Variants in SLC25A21 observed in about 807,000 individuals in gnomAD.
The protein encoded by SLC25A21 is mitochondrial 2-oxodicarboxylate carrier.
Under a neutral mutation model 43.8 loss-of-function variants are expected in SLC25A21, and 47 were observed. That is an observed-to-expected ratio of 1.07 (90% CI 0.85 to 1.37). SLC25A21 has a LOEUF of 1.37. SLC25A21 is among the 40% of genes most tolerant of loss of function. SLC25A21 has a pLI of 0.00. For missense variants in SLC25A21, 352 were observed against 350.2 expected (o/e 1.00, Z -0.04); for synonymous variants, 131 against 121.3 (o/e 1.08, Z -0.52).
At chr14:36,954,031 T>G (rs913599097) in intron 1 of SLC25A21, among the ~76,000 whole-genome samples, 94 of 152,174 alleles carry the variant, frequency 6.2e-4, no homozygotes, top group Non-Finnish European at 2.9e-4. Context: ...GAGTCAAAGG[T>G]GAATACAACA....
intron 1 of SLC25A21, among the ~76,000 whole-genome samples, chr14:37,155,075 C>T (rs79950649): frequency 7.2e-6 from 1 of 139,594 alleles, no homozygotes; most frequent in Admixed American, 7.2e-5. Context: ...AAAGACAGCT[C>T]TTTTTTTTTT....
intron 1 of SLC25A21, among the ~76,000 whole-genome samples, chr14:37,080,803 T>C (rs1162919664): frequency 6.6e-6 from 1 of 152,314 alleles, no homozygotes; most frequent in East Asian, 1.9e-4. Flanking sequence ...AGATTCAGCA[T>C]GCTCCATAAT....
rs73266673 is a variant in SLC25A21, at chr14:36,803,171, T to A, written c.203+10747A>T. On this transcript the variant is annotated intron_variant, in intron 3 of 9. Transcript: ENST00000331299. ...AGATTCTGTGGAAAAAGATAGAAGGTCTGTGGCAGGCTCTGGGAGAACAGT... is the reference window on the plus strand; with the variant it reads ...AGATTCTGTGGAAAAAGATAGAAGGACTGTGGCAGGCTCTGGGAGAACAGT... Among the ~76,000 whole-genome samples, 1,093 of 152,268 alleles carry A rather than the reference T, an allele frequency of 7.2e-3. 13 individuals carry two copies. The highest frequency in any genetic ancestry group is 0.025 in the African/African-American group (1,044 of 41,550).
chr14:36,802,004 C>G (rs1266103333), intron 3 of SLC25A21, among the ~76,000 whole-genome samples: 2 of 152,146 alleles, frequency 1.3e-5, no homozygotes, highest in Non-Finnish European at 2.9e-5. Flanking sequence ...CTAAAAACTA[C>G]ATGCCAAAAT....
intron 1 of SLC25A21, among the ~76,000 whole-genome samples, chr14:37,010,350 C>T (rs1305807049): frequency 6.6e-6 from 1 of 152,216 alleles, no homozygotes; most frequent in Non-Finnish European, 1.5e-5. Flanking sequence ...TTAGGATTCT[C>T]CTACCTCCTA....
chr14:36,761,642 G>C (rs909119457), intron 3 of SLC25A21, among the ~76,000 whole-genome samples: 1 of 152,178 alleles, frequency 6.6e-6, no homozygotes, highest in Non-Finnish European at 1.5e-5. Flanking sequence ...CTGGTCTCTT[G>C]ATCTTAGGAT....
intron 3 of SLC25A21, among the ~76,000 whole-genome samples, chr14:36,759,021 T>C (rs2139274392): frequency 6.6e-6 from 1 of 152,312 alleles, no homozygotes; most frequent in African/African-American, 2.4e-5. Flanking sequence ...TCAGCTCATG[T>C]TCATTCTGAG....
At position 37,172,302 on chromosome 14, in the gene SLC25A21, T is replaced by C. The variant is rs1205748386; in HGVS notation, c.49A>G (p.Ile17Val). The change falls in exon 1 of 10, where the codon ATC (isoleucine) becomes GTC (valine). Residue 17 changes from isoleucine to valine, a missense_variant. Ile to Val is a conservative substitution (Grantham distance 29). Coordinates refer to ENST00000331299, the MANE Select transcript of SLC25A21 (RefSeq NM_030631.4). ...VSLVREASRQ[I>V]VAGGSAGLVE... ...TTACCTGCAGAACCACCGGCCACGATCTGCCGAGAAGCCTCGCGCACTAAG... is the reference window on the plus strand; with the variant it reads ...TTACCTGCAGAACCACCGGCCACGACCTGCCGAGAAGCCTCGCGCACTAAG... 1 of 1,601,022 alleles carries C rather than the reference T, an allele frequency of 6.2e-7. No homozygotes were observed.
chr14:36,799,696 T>C (rs1887800504), intron 3 of SLC25A21, among the ~76,000 whole-genome samples: 1 of 152,160 alleles, frequency 6.6e-6, no homozygotes, highest in Admixed American at 6.6e-5. Context: ...TTAAAATTCC[T>C]ACAACCTATG....
chr14:36,802,153 G>T (rs923695873), intron 3 of SLC25A21, among the ~76,000 whole-genome samples: 9 of 152,106 alleles, frequency 5.9e-5, no homozygotes, highest in Admixed American at 5.9e-4. Flanking sequence ...GATACCATGG[G>T]TGTCGTAAAT....
At chr14:36,813,523 C>A (rs1888346076) in intron 3 of SLC25A21, among the ~76,000 whole-genome samples, 1 of 152,030 alleles carries the variant, frequency 6.6e-6, no homozygotes, top group Non-Finnish European at 1.5e-5. Context: ...CTGCTCCCAG[C>A]CTTGATGCAT....
chr14:36,890,725 C>T (rs554357855), intron 1 of SLC25A21, among the ~76,000 whole-genome samples: 4 of 152,252 alleles, frequency 2.6e-5, no homozygotes, highest in Admixed American at 6.5e-5. Flanking sequence ...AGAGCAACCA[C>T]GTGGAGGAGT....
At chr14:37,092,243 T>C (rs1217805909) in intron 1 of SLC25A21, among the ~76,000 whole-genome samples, 1 of 152,186 alleles carries the variant, frequency 6.6e-6, no homozygotes, top group Non-Finnish European at 1.5e-5. Flanking sequence ...CCAAAAAGCC[T>C]TTCAAATATG....
At chr14:36,712,505 G>A (rs1883926935) in intron 6 of SLC25A21, among the ~76,000 whole-genome samples, 1 of 152,138 alleles carries the variant, frequency 6.6e-6, no homozygotes. Context: ...CAGCAGAATA[G>A]AATAGAACAA....
chr14:36,719,013 C>G (rs907408359), intron 6 of SLC25A21, among the ~76,000 whole-genome samples: 1 of 152,002 alleles, frequency 6.6e-6, no homozygotes, highest in Non-Finnish European at 1.5e-5. Flanking sequence ...AACCTGTGCC[C>G]CAGCCACACA....
intron 1 of SLC25A21, among the ~76,000 whole-genome samples, chr14:37,040,040 TA>T (rs34412756): frequency 0.47 from 69,186 of 146,800 alleles, 18,456 homozygotes; most frequent in African/African-American, 0.75. Context: ...ACTAAAAATA[TA>T]AAAAAAAAAT....
Position 36,766,761 on chromosome 14 carries a change from G to A in SLC25A21, c.204-32188C>T, listed in dbSNP as rs143119925. Among the ~76,000 whole-genome samples the A allele has an allele frequency of 4.7e-3, 718 of 152,184 alleles. 4 individuals carry two copies. Among genetic ancestry groups the A allele is most frequent in the African/African-American group, 0.016 (676 of 41,516 alleles). ...GTCAGGCCTTAGAGTCGCCCCAACCGGAAACTGACTCCAGGGTCTGTCACT... is the reference window on the plus strand; with the variant it reads ...GTCAGGCCTTAGAGTCGCCCCAACCAGAAACTGACTCCAGGGTCTGTCACT... On this transcript the variant is annotated intron_variant, in intron 3 of 9. Coordinates refer to ENST00000331299, the MANE Select transcript of SLC25A21 (RefSeq NM_030631.4).
At chr14:37,089,643 G>A (rs1962547742) in intron 1 of SLC25A21, among the ~76,000 whole-genome samples, 1 of 152,152 alleles carries the variant, frequency 6.6e-6, no homozygotes, top group Non-Finnish European at 1.5e-5. Context: ...TTCTTAGAGA[G>A]TAAGGCCACG....
At chr14:36,845,148 C>T (rs1002157058) in intron 2 of SLC25A21, among the ~76,000 whole-genome samples, 2 of 152,178 alleles carry the variant, frequency 1.3e-5, no homozygotes, top group Middle Eastern at 3.2e-3. Flanking sequence ...TGCAAAGTAG[C>T]TTCTCCATTT....
Sources: gnomAD v4.1 joint callset for allele counts (sites outside exome capture counted in the v4.1 genomes callset) on GRCh38, gnomAD v4.1.1 for gene constraint, MANE v1.5 for transcripts, NCBI Gene and HGNC (gene_info 2026-07-23, HGNC 2026-07-21) for gene names.